The following NUDCD3 variants were observed in gnomAD, a reference collection of about 807,000 sequenced individuals.
The protein encoded by NUDCD3 is NudC domain containing 3.
A neutral mutation model predicts 39.7 loss-of-function variants in NUDCD3; 13 were observed. The observed-to-expected ratio is 0.33, with a 90% CI of 0.21 to 0.52. The LOEUF is 0.52. NUDCD3 is among the 20% of genes least tolerant of loss of function. The probability of loss-of-function intolerance (pLI) is 0.96; values close to 1 mark genes in which losing one functional copy is unlikely to be tolerated. For synonymous variants in NUDCD3, 175 were observed against 172.4 expected (o/e 1.02, Z -0.12); for missense variants, 453 against 458.1 (o/e 0.99, Z 0.10).
chr7:44,404,674 T>G, intron 3 of NUDCD3, 91 bp from the exon 4 acceptor site: 1 of 1,396,572 alleles, frequency 7.2e-7, no homozygotes, highest in Non-Finnish European at 9.9e-7. Flanking sequence ...CCAAGGTACC[T>G]GACTGCACAC....
intron 2 of NUDCD3, among the ~76,000 whole-genome samples, chr7:44,451,029 T>C (rs561406595): frequency 5.1e-4 from 78 of 152,366 alleles, no homozygotes; most frequent in Admixed American, 9.8e-4. Context: ...TGAATATTTG[T>C]ACATTCATGT....
chr7:44,387,065 C>T (rs971784942), intron 5 of NUDCD3, among the ~76,000 whole-genome samples: 4 of 152,238 alleles, frequency 2.6e-5, no homozygotes, highest in East Asian at 3.8e-4. Flanking sequence ...GCACAAAACC[C>T]TGTAGCATAG....
At chr7:44,434,785 G>A (rs553160796) in intron 2 of NUDCD3, among the ~76,000 whole-genome samples, 7 of 152,272 alleles carry the variant, frequency 4.6e-5, no homozygotes, top group Non-Finnish European at 8.8e-5. Flanking sequence ...CAGCTTCCCC[G>A]CACAGCAACC....
intron 4 of NUDCD3, among the ~76,000 whole-genome samples, chr7:44,397,503 T>C (rs943610536): frequency 2.6e-5 from 4 of 152,194 alleles, no homozygotes; most frequent in Admixed American, 6.5e-5. Flanking sequence ...TTAGCAGCTC[T>C]TCTAAGAGGT....
At chr7:44,478,425 C>A (rs1459112467) in intron 2 of NUDCD3, among the ~76,000 whole-genome samples, 1 of 152,152 alleles carries the variant, frequency 6.6e-6, no homozygotes, top group Admixed American at 6.5e-5. Flanking sequence ...TGGTGGCAGG[C>A]ACCTGCACTC....
chr7:44,459,403 G>A (rs1172584174), intron 2 of NUDCD3, among the ~76,000 whole-genome samples: 1 of 152,016 alleles, frequency 6.6e-6, no homozygotes. Flanking sequence ...GCCCAGGCTG[G>A]TCTGGAACTC....
At chr7:44,441,444 C>T (rs1799582795) in intron 2 of NUDCD3, among the ~76,000 whole-genome samples, 1 of 152,102 alleles carries the variant, frequency 6.6e-6, no homozygotes, top group East Asian at 1.9e-4. Flanking sequence ...ATGAATTCCA[C>T]ATTGTCCAAT....
intron 1 of NUDCD3, chr7:44,489,748 A>G (rs1800693332): frequency 6.6e-6 from 1 of 152,204 alleles, no homozygotes; most frequent in East Asian, 1.9e-4. Flanking sequence ...GAGAGAAACC[A>G]TTACTTAAAC....
intron 3 of NUDCD3, among the ~76,000 whole-genome samples, chr7:44,411,388 G>A (rs954137418): frequency 1.3e-5 from 2 of 152,164 alleles, no homozygotes; most frequent in East Asian, 1.9e-4. Context: ...TCTGACAAGG[G>A]TGTAGTATCC....
At chr7:44,409,160 C>T (rs1282121517) in intron 3 of NUDCD3, among the ~76,000 whole-genome samples, 1 of 152,174 alleles carries the variant, frequency 6.6e-6, no homozygotes, top group Non-Finnish European at 1.5e-5. Context: ...CAGAGCTTCA[C>T]TGCACACTCA....
Position 44,459,152 on chromosome 7 carries a change from A to C in NUDCD3, c.509+25816T>G, listed in dbSNP as rs181739700. On this transcript the variant is annotated intron_variant, in intron 2 of 5. Coordinates refer to ENST00000355451, the MANE Select transcript of NUDCD3 (RefSeq NM_015332.4). ...TTTGGAGTTTTAAAAATTTATTCCT[A>C]AGTATTTTTTTATATATATTCTATT... 2.4e-3 allele frequency among the ~76,000 whole-genome samples: 365 copies of C among 151,882 alleles called. 1 individual carries two copies. The highest frequency in any genetic ancestry group is 7.9e-3 in the African/African-American group (329 of 41,418).
chr7:44,411,883 A>C (rs1166410772), intron 3 of NUDCD3, among the ~76,000 whole-genome samples: 1 of 152,252 alleles, frequency 6.6e-6, no homozygotes, highest in East Asian at 1.9e-4. Flanking sequence ...GATTGGAGGT[A>C]CAAGTAGATG....
In NUDCD3 at chr7:44,422,308, T is replaced by C. The variant is rs573634124; in HGVS notation, c.642+5263A>G. On this transcript the variant is annotated intron_variant, in intron 3 of 5. Transcript: ENST00000355451. ...AAGATCAGAGCAGAACTGAAGGAGATAGAGACATGAAAAACTCTTAGAAAA... is the reference window on the plus strand; with the variant it reads ...AAGATCAGAGCAGAACTGAAGGAGACAGAGACATGAAAAACTCTTAGAAAA... Among the ~76,000 whole-genome samples, 14 of 151,158 alleles carry C rather than the reference T, an allele frequency of 9.3e-5. No homozygotes were observed. In the East Asian group the frequency reaches 1.2e-3, roughly 13 times the overall value.
chr7:44,444,128 G>A (rs866225181), intron 2 of NUDCD3, among the ~76,000 whole-genome samples: 32 of 152,272 alleles, frequency 2.1e-4, no homozygotes, highest in Middle Eastern at 3.4e-3. Context: ...AGAATTTCTG[G>A]AATGAGAAGG....
intron 2 of NUDCD3, among the ~76,000 whole-genome samples, chr7:44,437,734 T>C (rs1240556894): frequency 6.6e-6 from 1 of 152,234 alleles, no homozygotes; most frequent in African/African-American, 2.4e-5. Flanking sequence ...AACTAGATGA[T>C]TCTATATTTA....
intron 4 of NUDCD3, among the ~76,000 whole-genome samples, chr7:44,398,364 G>C (rs1420495102): frequency 6.6e-6 from 1 of 152,098 alleles, no homozygotes; most frequent in African/African-American, 2.4e-5. Flanking sequence ...TAATTATGTT[G>C]GTGTGAAACA....
rs548963046 is a variant in NUDCD3, at chr7:44,468,069, T to C, written c.509+16899A>G. 1,008 of 1,612,220 alleles carry C rather than the reference T, an allele frequency of 6.3e-4. 13 individuals are homozygous for C. The Admixed American group carries it at 0.016, about 25-fold the overall frequency. On this transcript the variant is annotated intron_variant, in intron 2 of 5. Coordinates refer to ENST00000355451, the MANE Select transcript of NUDCD3 (RefSeq NM_015332.4). ...AAGGGCCAGATCTTGATGCCCAACATTGGTTATGGGAGCAACAAAAAAACA... is the reference window on the plus strand; with the variant it reads ...AAGGGCCAGATCTTGATGCCCAACACTGGTTATGGGAGCAACAAAAAAACA...
chr7:44,457,442 T>C (rs1199694370), intron 2 of NUDCD3, among the ~76,000 whole-genome samples: 1 of 152,176 alleles, frequency 6.6e-6, no homozygotes, highest in East Asian at 1.9e-4. Flanking sequence ...AACTATGCAT[T>C]AATAAACAAA....
chr7:44,392,288 T>C lies in NUDCD3; in HGVS notation c.975+9A>G, dbSNP rs1410475624. On this transcript the variant is annotated intron_variant, in intron 5 of 5. Transcript: ENST00000355451. ...AAGGGTGGACTCTCCAGGACTGCCA[T>C]GCTCGTACCAGCTCATGGCTCTGTG... 2 of 1,613,064 alleles carry C rather than the reference T, an allele frequency of 1.2e-6. No homozygotes were observed. Among genetic ancestry groups the C allele is most frequent in the East Asian group, 2.2e-5 (1 of 44,904 alleles).
Sources: gnomAD v4.1 joint callset for allele counts (sites outside exome capture counted in the v4.1 genomes callset) on GRCh38, gnomAD v4.1.1 for gene constraint, MANE v1.5 for transcripts, NCBI Gene and HGNC (gene_info 2026-07-23, HGNC 2026-07-21) for gene names.